Variants in TACC2 observed in about 807,000 individuals in gnomAD.
TACC2 encodes transforming acidic coiled-coil containing protein 2, also known as transforming acidic coiled-coil-containing protein 2.
TACC2 carries 137 observed loss-of-function variants against 227.3 expected under a neutral mutation model. The observed-to-expected ratio is 0.60, with a 90% CI of 0.52 to 0.69. The LOEUF is 0.69. Among genes scored for constraint, TACC2 ranks in the 30% least tolerant of loss-of-function variants. The pLI is 0.00. For synonymous variants in TACC2, 1,523 were observed against 1,487.5 expected, an observed-to-expected ratio of 1.02 and a Z score of -0.55; for missense variants, 3,470 against 3,694.4, an observed-to-expected ratio of 0.94 and a Z score of 1.57.
At chr10:122,051,560 C>T (rs2136216083) in intron 3 of TACC2, 1 of 152,150 alleles carries the variant, frequency 6.6e-6, no homozygotes, top group Middle Eastern at 3.2e-3. Flanking sequence ...AACTCGCAAA[C>T]AGGCCATGGA....
At chr10:121,991,792 T>C (rs1199593438) in intron 1 of TACC2, among the ~76,000 whole-genome samples, 1 of 152,244 alleles carries the variant, frequency 6.6e-6, no homozygotes, top group Non-Finnish European at 1.5e-5. Context: ...ATGCTGCCGA[T>C]AAAGACATGC....
In TACC2 at chr10:122,210,759, G is replaced by A. The variant is rs765143512; in HGVS notation, c.6334G>A (p.Ala2112Thr). Reference sequence around the variant, plus strand: ...CGAGGCCGTGGCCCTTGCCCCAGATGCATATAGCACGGGTTCCAGCAGTGC... The same window carrying A: ...CGAGGCCGTGGCCCTTGCCCCAGATACATATAGCACGGGTTCCAGCAGTGC... Reference protein sequence around the residue: ...NPEAVALAPDAYSTGSSSASS... With the variant: ...NPEAVALAPDTYSTGSSSASS... The change falls in exon 9 of 23, where the codon GCA becomes ACA. Residue 2112 changes from alanine to threonine, a missense_variant. Physicochemically the swap from Ala to Thr is moderately conservative, Grantham distance 58. This residue lies in a region of TACC2 where 593 missense variants were observed against 636.6 expected (regional missense o/e 0.93). Transcript: ENST00000369005. The surrounding 1 kb of genome is among the most constrained non-coding windows in gnomAD (Gnocchi z 4.6). 5.6e-6 allele frequency: 9 copies of A among 1,613,872 alleles called. 1 individual carries two copies. The highest frequency in any genetic ancestry group is 1.6e-4 in the Middle Eastern group (1 of 6,062).
At chr10:122,177,078 G>A (rs2093752691) in intron 7 of TACC2, among the ~76,000 whole-genome samples, 1 of 152,178 alleles carries the variant, frequency 6.6e-6, no homozygotes, top group Non-Finnish European at 1.5e-5. Context: ...AGATTTTCTT[G>A]ATGGATATCA....
chr10:122,109,218 G>C lies in TACC2; in HGVS notation c.5573+20627G>C, dbSNP rs78590449. ...TCGAATGGTAGATCTTCTTTAAGGA[G>C]TCTCTACACTGTTTTGTATAGTGGT... On this transcript the variant is annotated intron_variant, in intron 5 of 22. Transcript: ENST00000369005. 5.4e-3 allele frequency among the ~76,000 whole-genome samples: 825 copies of C among 152,206 alleles called. 3 individuals are homozygous for C. The highest frequency in any genetic ancestry group is 8.2e-3 in the Non-Finnish European group (557 of 68,006).
intron 5 of TACC2, among the ~76,000 whole-genome samples, chr10:122,132,403 C>T (rs1438692468): frequency 1.3e-5 from 2 of 152,222 alleles, no homozygotes; most frequent in African/African-American, 2.4e-5. Flanking sequence ...AAAAAATTAG[C>T]TGGCTGTGGT....
At chr10:122,007,737 T>A (rs1358006503) in intron 1 of TACC2, among the ~76,000 whole-genome samples, 1 of 152,200 alleles carries the variant, frequency 6.6e-6, no homozygotes, top group African/African-American at 2.4e-5. Flanking sequence ...TTTTCCCCAT[T>A]TAACACTGCT....
rs375767728 is a variant in TACC2 at position 122,004,231 on chromosome 10, C to G, written c.-46+14743C>G. ...TGACCAATATGGTGAAAACCCGTCT[C>G]TACTAAAAATACAAAAATTAGTCGG... On this transcript the variant is annotated intron_variant, in intron 1 of 22. Coordinates refer to ENST00000369005, the MANE Select transcript of TACC2 (RefSeq NM_206862.4). 3.9e-5 allele frequency among the ~76,000 whole-genome samples: 6 copies of G among 151,936 alleles called. No individual in the cohort carries two copies. In the East Asian group the frequency reaches 9.8e-4, roughly 25 times the overall value.
At chr10:122,105,199 T>C in intron 5 of TACC2, among the ~76,000 whole-genome samples, 1 of 152,118 alleles carries the variant, frequency 6.6e-6, no homozygotes, top group East Asian at 1.9e-4. Flanking sequence ...GTATGAACTT[T>C]GATTTAGACT....
intron 1 of TACC2, among the ~76,000 whole-genome samples, chr10:121,990,829 C>T (rs944914115): frequency 4.6e-5 from 7 of 152,084 alleles, no homozygotes; most frequent in African/African-American, 1.4e-4. Context: ...GCTGTGTTAC[C>T]CAGGCTGGAG....
chr10:122,231,970 C>T (rs1320577417), intron 16 of TACC2, among the ~76,000 whole-genome samples: 1 of 152,214 alleles, frequency 6.6e-6, no homozygotes, highest in Non-Finnish European at 1.5e-5. Context: ...GCTGCTCCAG[C>T]CCTGAGGGCC....
At chr10:122,123,000 C>A (rs192754908) in intron 5 of TACC2, among the ~76,000 whole-genome samples, 69 of 152,210 alleles carry the variant, frequency 4.5e-4, no homozygotes, top group African/African-American at 1.6e-3. Context: ...AGAGGTTGGC[C>A]TCTCTGGTTT....
chr10:122,161,953 G>A (rs1319231595), intron 7 of TACC2, among the ~76,000 whole-genome samples: 4 of 152,178 alleles, frequency 2.6e-5, no homozygotes, highest in Non-Finnish European at 4.4e-5. Flanking sequence ...GCTGAGAATG[G>A]TGACAGGATG....
At position 122,205,047 on chromosome 10, in the gene TACC2, G is replaced by A. The variant is rs78289035; in HGVS notation, c.5972-5350G>A. 9.8e-3 allele frequency among the ~76,000 whole-genome samples: 1,498 copies of A among 152,194 alleles called. 34 individuals carry two copies. The highest frequency in any genetic ancestry group is 0.035 in the African/African-American group (1,435 of 41,500). On this transcript the variant is annotated intron_variant, in intron 8 of 22. Coordinates refer to ENST00000369005, the MANE Select transcript of TACC2 (RefSeq NM_206862.4). The surrounding 1 kb of genome is among the most constrained non-coding windows in gnomAD (Gnocchi z 4.5). ...TCTGTCACTTAGATGCTCACGAGGC[G>A]GACTCTGCTGGGAACAATTTGGTTT...
chr10:122,090,421 C>T (rs900484185), intron 5 of TACC2, among the ~76,000 whole-genome samples: 21 of 151,216 alleles, frequency 1.4e-4, no homozygotes, highest in African/African-American at 5.1e-4. Context: ...GTGGCGGGCG[C>T]CTGTAGTCCC....
chr10:122,235,054 A>G (rs1313038147), intron 16 of TACC2, among the ~76,000 whole-genome samples: 1 of 152,012 alleles, frequency 6.6e-6, no homozygotes, highest in African/African-American at 2.4e-5. Flanking sequence ...TTTAAAAGTG[A>G]ATAGTTTTTG....
chr10:122,041,360 T>C (rs2074237437), intron 2 of TACC2, among the ~76,000 whole-genome samples: 2 of 152,178 alleles, frequency 1.3e-5, no homozygotes, highest in East Asian at 3.9e-4. Flanking sequence ...TTTAATGTGT[T>C]TAATGTGAAA....
At chr10:122,114,764 C>T (rs1012407102) in intron 5 of TACC2, among the ~76,000 whole-genome samples, 3 of 152,172 alleles carry the variant, frequency 2.0e-5, no homozygotes, top group East Asian at 1.9e-4. Context: ...TATTCATATA[C>T]CGGTGTTATG....
At position 122,084,842 on chromosome 10, in the gene TACC2, C is replaced by A. The variant is rs1277717545; in HGVS notation, c.2342C>A (p.Pro781His). ...RQEFHAGVPH[P>H]PQGENLAADL... ...GAATTTCATGCTGGGGTGCCACATC[C>A]CCCCCAGGGGGAGAACTTGGCAGCA... The change falls in exon 4 of 23, where the codon CCC becomes CAC. Residue 781 changes from proline (P) to histidine (H), a missense_variant. By Grantham distance (77) the Pro-to-His change is moderately conservative. Coordinates refer to ENST00000369005, the MANE Select transcript of TACC2 (RefSeq NM_206862.4). 2.5e-6 allele frequency: 4 copies of A among 1,613,720 alleles called. No individual in the cohort carries two copies. Among genetic ancestry groups the A allele is most frequent in the East Asian group, 2.2e-5 (1 of 44,880 alleles).
intron 8 of TACC2, among the ~76,000 whole-genome samples, chr10:122,200,175 C>T (rs960386007): frequency 6.6e-6 from 1 of 152,238 alleles, no homozygotes; most frequent in Non-Finnish European, 1.5e-5. Context: ...ACAGGTGAGA[C>T]CACTGGAGAT....
Sources: allele counts gnomAD v4.1 joint callset (sites outside exome capture counted in the v4.1 genomes callset), GRCh38; gene constraint gnomAD v4.1.1; regional missense constraint gnomAD v4.1.1; non-coding constraint Gnocchi (gnomAD v3.1); transcripts MANE v1.5; gene names NCBI Gene and HGNC (gene_info 2026-07-23, HGNC 2026-07-21).